Variants in SDCCAG8 observed in about 807,000 individuals in gnomAD.
The protein encoded by SDCCAG8 is SHH signaling and ciliogenesis regulator SDCCAG8.
Under a neutral mutation model 101.8 loss-of-function variants are expected in SDCCAG8, and 74 were observed. That is an observed-to-expected ratio of 0.73 (90% confidence interval 0.60 to 0.88). SDCCAG8 has a LOEUF of 0.88. SDCCAG8 is among the 40% of genes least tolerant of loss of function. The pLI, the probability that SDCCAG8 is intolerant of heterozygous loss-of-function variation, is 0.00. For missense variants in SDCCAG8, 787 were observed against 822.6 expected, an observed-to-expected ratio of 0.96 and a Z score of 0.53; for synonymous variants, 281 against 292.9, an observed-to-expected ratio of 0.96 and a Z score of 0.41.
chr1:243,492,934 C>A (rs1055192687), intron 17 of SDCCAG8, among the ~76,000 whole-genome samples: 1 of 152,064 alleles, frequency 6.6e-6, no homozygotes, highest in African/African-American at 2.4e-5. Context: ...AGGGTGACTA[C>A]AAATAATGGC....
intron 17 of SDCCAG8, among the ~76,000 whole-genome samples, chr1:243,493,940 C>T (rs6429428): frequency 0.085 from 12,845 of 151,818 alleles, 1,423 homozygotes; most frequent in African/African-American, 0.26. Flanking sequence ...GACTCCCTGC[C>T]GAGGGAGGCC....
chr1:243,399,167 T>C (rs1398198318), intron 13 of SDCCAG8, among the ~76,000 whole-genome samples: 1 of 152,210 alleles, frequency 6.6e-6, no homozygotes, highest in Non-Finnish European at 1.5e-5. Context: ...ACTTATAATG[T>C]GTGAGAATGT....
At chr1:243,323,193 T>C (rs1271973291) in intron 9 of SDCCAG8, among the ~76,000 whole-genome samples, 1 of 151,530 alleles carries the variant, frequency 6.6e-6, no homozygotes, top group Non-Finnish European at 1.5e-5. Flanking sequence ...TCACCTTCAG[T>C]GGTTGTAGGT....
At chr1:243,401,862 A>T (rs1404565461) in intron 13 of SDCCAG8, among the ~76,000 whole-genome samples, 2 of 152,208 alleles carry the variant, frequency 1.3e-5, no homozygotes, top group African/African-American at 4.8e-5. Flanking sequence ...GAGTGGCTGA[A>T]TTAAATGAGA....
chr1:243,482,077 A>G (rs527679259), intron 16 of SDCCAG8, among the ~76,000 whole-genome samples: 2 of 152,346 alleles, frequency 1.3e-5, no homozygotes, highest in East Asian at 3.9e-4. Flanking sequence ...ACATAAAAAA[A>G]TTTAAATCTA....
chr1:243,288,655 A>G (rs572170018), intron 5 of SDCCAG8, among the ~76,000 whole-genome samples: 1 of 152,280 alleles, frequency 6.6e-6, no homozygotes, highest in East Asian at 1.9e-4. Context: ...TTCCCTTGCT[A>G]TATTGAAGTT....
chr1:243,316,920 G>C, intron 9 of SDCCAG8, 27 bp downstream of exon 9: 1 of 1,608,710 alleles, frequency 6.2e-7, no homozygotes, highest in Non-Finnish European at 8.5e-7. Flanking sequence ...GCAAATAAAA[G>C]TGTCTTTCTT....
chr1:243,494,605 G>C (rs766138081), intron 17 of SDCCAG8, among the ~76,000 whole-genome samples: 1 of 152,150 alleles, frequency 6.6e-6, no homozygotes, highest in Non-Finnish European at 1.5e-5. Flanking sequence ...AAAGCGCATA[G>C]GGCTTCATTT....
At chr1:243,368,447 ATG>A (rs1259118488) in intron 12 of SDCCAG8, among the ~76,000 whole-genome samples, 1 of 152,168 alleles carries the variant, frequency 6.6e-6, no homozygotes, top group East Asian at 1.9e-4. Flanking sequence ...ATTTTATAGT[ATG>A]TGCAGTAGAA....
chr1:243,360,009 A>G (rs1188406879), intron 12 of SDCCAG8, among the ~76,000 whole-genome samples: 1 of 151,868 alleles, frequency 6.6e-6, no homozygotes, highest in Non-Finnish European at 1.5e-5. Context: ...TTTAATTTTC[A>G]TTTCCCTAGT....
intron 15 of SDCCAG8, among the ~76,000 whole-genome samples, chr1:243,422,876 G>T (rs1001112310): frequency 6.6e-6 from 1 of 152,176 alleles, no homozygotes; most frequent in African/African-American, 2.4e-5. Flanking sequence ...GAAAGTTCAT[G>T]CTTCTGTAAA....
At chr1:243,389,152 C>T (rs1269710493) in intron 13 of SDCCAG8, among the ~76,000 whole-genome samples, 2 of 143,116 alleles carry the variant, frequency 1.4e-5, no homozygotes, top group Admixed American at 6.8e-5. Context: ...GTCCCCCCTC[C>T]CCCCCCCAAA....
chr1:243,489,262 G>C, intron 17 of SDCCAG8, 122 bp downstream of exon 17: 1 of 1,344,440 alleles, frequency 7.4e-7, no homozygotes, highest in Non-Finnish European at 1.0e-6. Flanking sequence ...AGCTGGGAGG[G>C]AGGTCCCGAA....
intron 17 of SDCCAG8, among the ~76,000 whole-genome samples, chr1:243,498,099 C>T (rs1344978741): frequency 6.6e-6 from 1 of 152,210 alleles, no homozygotes; most frequent in Non-Finnish European, 1.5e-5. Context: ...AGGCCACCTG[C>T]CTTATGTGGC....
intron 13 of SDCCAG8, among the ~76,000 whole-genome samples, chr1:243,380,613 G>C (rs1287534885): frequency 6.6e-6 from 1 of 151,882 alleles, no homozygotes; most frequent in Admixed American, 6.6e-5. Context: ...AGCAACTGCT[G>C]AAAATGGACG....
rs1231781763 is a variant in SDCCAG8, at chr1:243,298,298, G to A, written c.675+5079G>A. Among the ~76,000 whole-genome samples, 3 of 146,022 alleles carry A rather than the reference G, an allele frequency of 2.1e-5. 1 individual carries two copies. The highest frequency in any genetic ancestry group is 4.5e-5 in the Non-Finnish European group (3 of 67,266). On this transcript the variant is annotated intron_variant, in intron 6 of 17. Coordinates refer to ENST00000366541, the MANE Select transcript of SDCCAG8 (RefSeq NM_006642.5). ...ACTCCTGACCTCAGGCAATCCGCCCGCTTTGGCCTCCCAAAGTGCCGGGAT... is the reference window on the plus strand; with the variant it reads ...ACTCCTGACCTCAGGCAATCCGCCCACTTTGGCCTCCCAAAGTGCCGGGAT...
intron 10 of SDCCAG8, among the ~76,000 whole-genome samples, chr1:243,330,929 A>C (rs978883742): frequency 2.0e-5 from 3 of 152,208 alleles, no homozygotes; most frequent in Admixed American, 2.0e-4. Flanking sequence ...CATACAATGA[A>C]ATTACAAAAT....
chr1:243,415,052 A>G (rs2080473859), intron 13 of SDCCAG8, among the ~76,000 whole-genome samples: 1 of 152,152 alleles, frequency 6.6e-6, no homozygotes. Flanking sequence ...TTGTTGTCTG[A>G]CTACAGAAGC....
chr1:243,405,511 A>G (rs2079714612), intron 13 of SDCCAG8, among the ~76,000 whole-genome samples: 1 of 152,204 alleles, frequency 6.6e-6, no homozygotes, highest in Non-Finnish European at 1.5e-5. Flanking sequence ...AAGATCTGGC[A>G]ATGAGCAACG....
Sources: allele counts gnomAD v4.1 joint callset (sites outside exome capture counted in the v4.1 genomes callset), GRCh38; gene constraint gnomAD v4.1.1; transcripts MANE v1.5; gene names NCBI Gene and HGNC (gene_info 2026-07-23, HGNC 2026-07-21).